The following GPBP1 variants were observed in gnomAD, a reference collection of about 807,000 sequenced individuals.
The protein encoded by GPBP1 is vasculin.
In GPBP1, 13 loss-of-function variants were observed where a neutral mutation model predicts 56.5. That is an observed-to-expected ratio of 0.23 (90% CI 0.15 to 0.37). The LOEUF (loss-of-function observed/expected upper bound fraction) is 0.37, where lower values mean the gene tolerates loss of function less well. Among genes scored for constraint, GPBP1 ranks in the 10% least tolerant of loss-of-function variants. GPBP1 has a pLI of 1.00. For synonymous variants in GPBP1, 204 were observed against 188.9 expected (o/e 1.08, Z -0.66); for missense variants, 477 against 572.3 (o/e 0.83, Z 1.70).
intron 3 of GPBP1, among the ~76,000 whole-genome samples, chr5:57,215,850 A>C (rs932271937): frequency 6.7e-6 from 1 of 148,910 alleles, no homozygotes; most frequent in Non-Finnish European, 1.5e-5. Context: ...CTTATTGCTT[A>C]TTCAGCTTAT....
chr5:57,217,698 A>C (rs1755759194), intron 3 of GPBP1, among the ~76,000 whole-genome samples: 1 of 152,086 alleles, frequency 6.6e-6, no homozygotes, highest in Non-Finnish European at 1.5e-5. Flanking sequence ...ATGATTAAGA[A>C]TATGACCATT....
chr5:57,216,667 A>G (rs938137559), intron 3 of GPBP1, among the ~76,000 whole-genome samples: 4 of 152,116 alleles, frequency 2.6e-5, no homozygotes, highest in Admixed American at 2.0e-4. Context: ...GCCTGGGTGA[A>G]GGAGTGAGAC....
At chr5:57,204,335 C>T (rs532311018) in intron 2 of GPBP1, among the ~76,000 whole-genome samples, 1 of 152,144 alleles carries the variant, frequency 6.6e-6, no homozygotes, top group South Asian at 2.1e-4. Flanking sequence ...CTACAACCTC[C>T]ACCTCCCAGG....
intron 3 of GPBP1, among the ~76,000 whole-genome samples, chr5:57,226,553 CTTTTTT>C (rs34180383): frequency 3.9e-4 from 24 of 62,128 alleles, no homozygotes; most frequent in East Asian, 3.8e-3. Context: ...AGCATTTTTG[CTTTTTT>C]TTTTTTTTTT....
chr5:57,261,686 G>A (rs901001527), intron 11 of GPBP1, among the ~76,000 whole-genome samples: 3 of 152,078 alleles, frequency 2.0e-5, no homozygotes, highest in Admixed American at 6.6e-5. Context: ...TGGCTTTTCT[G>A]GGGGAGGAGC....
chr5:57,191,248 G>A (rs1415649501), intron 2 of GPBP1, among the ~76,000 whole-genome samples: 1 of 151,988 alleles, frequency 6.6e-6, no homozygotes, highest in Non-Finnish European at 1.5e-5. Context: ...ATCATGACCA[G>A]CTAATTCAGC....
rs1756075835 is a variant in GPBP1 at position 57,224,169 on chromosome 5, C to A, written c.64-6677C>A. ...TTTTAATTAAAATTTTTTCTAGAGACAGGGTCTCAGACTATGGCCCAGGCT... is the reference window on the plus strand; with the variant it reads ...TTTTAATTAAAATTTTTTCTAGAGAAAGGGTCTCAGACTATGGCCCAGGCT... On this transcript the variant is annotated intron_variant, in intron 3 of 11. Coordinates refer to ENST00000506184, the MANE Select transcript of GPBP1 (RefSeq NM_022913.4). 2.0e-5 allele frequency among the ~76,000 whole-genome samples: 3 copies of A among 151,762 alleles called. No individual in the cohort carries two copies. The South Asian group carries it at 6.2e-4, about 32-fold the overall frequency.
chr5:57,209,931 T>C (rs1333930501), intron 2 of GPBP1, among the ~76,000 whole-genome samples: 2 of 152,210 alleles, frequency 1.3e-5, no homozygotes, highest in African/African-American at 4.8e-5. Context: ...TGGTTGTAGT[T>C]AGAATTCCTT....
At chr5:57,195,980 C>CAAA (rs1181097227) in intron 2 of GPBP1, among the ~76,000 whole-genome samples, 724 of 29,666 alleles carry the variant, frequency 0.024, 49 homozygotes, top group African/African-American at 0.076. Flanking sequence ...AACTCCATCT[C>CAAA]AAAAAAAAAA....
intron 3 of GPBP1, chr5:57,221,394 A>G (rs1755953229): frequency 3.9e-6 from 6 of 1,521,936 alleles, no homozygotes; most frequent in Non-Finnish European, 5.3e-6. Context: ...CAGCAGTTTG[A>G]AAGTAAGTAT....
chr5:57,243,964 C>T (rs900592875), intron 6 of GPBP1, among the ~76,000 whole-genome samples: 11 of 152,184 alleles, frequency 7.2e-5, no homozygotes, highest in African/African-American at 2.6e-4. Context: ...GCTGGGATTA[C>T]AGGCATGAGC....
intron 2 of GPBP1, among the ~76,000 whole-genome samples, chr5:57,191,128 C>T (rs556570428): frequency 4.1e-4 from 62 of 151,858 alleles, no homozygotes; most frequent in African/African-American, 1.4e-3. Context: ...CTCCGTCACC[C>T]AGGCTGGAGT....
Position 57,244,783 on chromosome 5 carries a change from G to A in GPBP1, c.479-1517G>A, listed in dbSNP as rs894855208. Among the ~76,000 whole-genome samples the A allele has an allele frequency of 2.8e-5, 4 of 144,326 alleles. No homozygotes were observed. The Admixed American group carries it at 2.8e-4, about 10-fold the overall frequency. 94.7% of individuals were successfully genotyped at this position (144,326 alleles called of 152,430 possible). ...GAGTCTTGCTCTGTCGCCCAGGCTGGAGTGCAGTGGCGTGATCTCGGCTTA... is the reference window on the plus strand; with the variant it reads ...GAGTCTTGCTCTGTCGCCCAGGCTGAAGTGCAGTGGCGTGATCTCGGCTTA... On this transcript the variant is annotated intron_variant, in intron 6 of 11. Coordinates refer to ENST00000506184, the MANE Select transcript of GPBP1 (RefSeq NM_022913.4).
intron 2 of GPBP1, among the ~76,000 whole-genome samples, chr5:57,186,212 C>A (rs1285743102): frequency 1.3e-5 from 2 of 151,902 alleles, no homozygotes; most frequent in African/African-American, 4.8e-5. Flanking sequence ...GCCTGGGCAA[C>A]ATACTAAGAC....
intron 2 of GPBP1, among the ~76,000 whole-genome samples, chr5:57,211,923 AC>A (rs1366910973): frequency 6.7e-6 from 1 of 150,000 alleles, no homozygotes; most frequent in East Asian, 2.0e-4. Flanking sequence ...AAAATTTGTT[AC>A]CAATTTTAAT....
intron 2 of GPBP1, among the ~76,000 whole-genome samples, chr5:57,197,764 TA>T (rs1380140495): frequency 6.6e-6 from 1 of 152,180 alleles, no homozygotes; most frequent in Non-Finnish European, 1.5e-5. Context: ...AAAATTCATT[TA>T]TCTTGCTAGT....
Position 57,263,500 on chromosome 5 carries a change from T to C in GPBP1, c.*748T>C, listed in dbSNP as rs946190521. ...GAAAAGAGTCTTGTGAGAAAACTTA[T>C]TTTGATAAATTATTACACACGCAGA... On this transcript the variant is annotated 3_prime_UTR_variant, in exon 12 of 12. Coordinates refer to ENST00000506184, the MANE Select transcript of GPBP1 (RefSeq NM_022913.4). The C allele has an allele frequency of 2.6e-5, 4 of 152,180 alleles. No individual in the cohort carries two copies. The highest frequency in any genetic ancestry group is 4.4e-5 in the Non-Finnish European group (3 of 68,026). The allele number at this position is 152,180 out of a possible 1,614,324, so 9.4% of individuals were successfully genotyped here.
At chr5:57,226,729 CTTTTTTTTT>C (rs70999067) in intron 3 of GPBP1, among the ~76,000 whole-genome samples, 1,624 of 77,112 alleles carry the variant, frequency 0.021, 35 homozygotes, top group Middle Eastern at 0.058. Flanking sequence ...TTTTTGTATT[CTTTTTTTTT>C]TTTTTTTTTT....
At chr5:57,210,729 G>A (rs1259086240) in intron 2 of GPBP1, among the ~76,000 whole-genome samples, 2 of 152,162 alleles carry the variant, frequency 1.3e-5, no homozygotes, top group African/African-American at 4.8e-5. Context: ...AGTTTTGGAG[G>A]TTCTAAGTTC....
Sources: allele counts gnomAD v4.1 joint callset (sites outside exome capture counted in the v4.1 genomes callset), GRCh38; gene constraint gnomAD v4.1.1; transcripts MANE v1.5; gene names NCBI Gene and HGNC (gene_info 2026-07-23, HGNC 2026-07-21).